NCOA1: variants seen among roughly 807,000 people sequenced by gnomAD.
NCOA1 encodes the protein nuclear receptor coactivator 1, also known as Hin-2 protein.
In NCOA1, 35 loss-of-function variants were observed where a neutral mutation model predicts 150.9. The observed-to-expected ratio is 0.23, with a 90% CI of 0.18 to 0.31. The LOEUF (loss-of-function observed/expected upper bound fraction) is 0.31, where lower values mean the gene tolerates loss of function less well. Ranked by LOEUF, NCOA1 falls within the 10% of genes least tolerant of loss-of-function variation. The pLI is 1.00. For missense variants in NCOA1, 1,491 were observed against 1,749.3 expected (o/e 0.85, Z 2.63); for synonymous variants, 590 against 630.0 (o/e 0.94, Z 0.95).
At chr2:24,741,502 T>C (rs752214464) in intron 18 of NCOA1, among the ~76,000 whole-genome samples, 1 of 152,242 alleles carries the variant, frequency 6.6e-6, no homozygotes, top group Non-Finnish European at 1.5e-5. Context: ...TTTTCAGTTC[T>C]GTGTGACTTT....
intron 20 of NCOA1, 74 bp from the exon 21 acceptor site, chr2:24,757,894 TATTTG>T: frequency 7.2e-7 from 1 of 1,387,378 alleles, no homozygotes; most frequent in East Asian, 2.4e-5. Context: ...TAACATATTT[TATTTG>T]GAAACAGAAT....
In NCOA1 at chr2:24,731,951, G is replaced by A. The variant is rs978803713; in HGVS notation, c.3201+2136G>A. On this transcript the variant is annotated intron_variant, in intron 17 of 22. Transcript: ENST00000348332. ...CATACCTGAAAAGTTAAGTGACGCTGCAAGCAGTATGTGATTAAGGGCTAA... is the reference window on the plus strand; with the variant it reads ...CATACCTGAAAAGTTAAGTGACGCTACAAGCAGTATGTGATTAAGGGCTAA... 2.0e-5 allele frequency among the ~76,000 whole-genome samples: 3 copies of A among 152,206 alleles called. No homozygotes were observed. The South Asian group carries it at 6.2e-4, about 31-fold the overall frequency.
chr2:24,528,041 GA>G (rs2148155749), intron 1 of NCOA1, among the ~76,000 whole-genome samples: 1 of 152,204 alleles, frequency 6.6e-6, no homozygotes, highest in South Asian at 2.1e-4. Context: ...TGAGTTGTAT[GA>G]GTTCTTTATA....
intron 1 of NCOA1, chr2:24,554,335 C>T (rs1200288145): frequency 1.3e-5 from 2 of 151,990 alleles, no homozygotes; most frequent in Admixed American, 6.6e-5. Context: ...TAGTAGTATC[C>T]CTGATTTTTT....
chr2:24,582,911 A>G (rs1423747397), intron 2 of NCOA1, among the ~76,000 whole-genome samples: 1 of 152,228 alleles, frequency 6.6e-6, no homozygotes, highest in Non-Finnish European at 1.5e-5. Context: ...GAAGAATGAA[A>G]CTAGACCCTC....
chr2:24,515,960 CT>C (rs970896434), intron 1 of NCOA1, among the ~76,000 whole-genome samples: 9 of 152,098 alleles, frequency 5.9e-5, no homozygotes, highest in African/African-American at 2.2e-4. Flanking sequence ...AGAAGTTATT[CT>C]TTTAGTTCTA....
At chr2:24,594,150 T>C (rs1667785794) in intron 3 of NCOA1, among the ~76,000 whole-genome samples, 1 of 152,142 alleles carries the variant, frequency 6.6e-6, no homozygotes, top group Non-Finnish European at 1.5e-5. Context: ...AAGTGGAACA[T>C]TGAAGAATCC....
chr2:24,695,615 G>A (rs1234579658), intron 10 of NCOA1, among the ~76,000 whole-genome samples: 1 of 152,100 alleles, frequency 6.6e-6, no homozygotes, highest in African/African-American at 2.4e-5. Context: ...TTAAGTTTTT[G>A]TAGTACTTTT....
chr2:24,627,889 A>G (rs1558852756), intron 3 of NCOA1, among the ~76,000 whole-genome samples: 2 of 152,252 alleles, frequency 1.3e-5, no homozygotes, highest in Non-Finnish European at 2.9e-5. Flanking sequence ...GAATGATGAT[A>G]CAAAAATGCT....
chr2:24,560,250 A>G (rs1312805489), intron 1 of NCOA1, among the ~76,000 whole-genome samples: 2 of 152,150 alleles, frequency 1.3e-5, no homozygotes, highest in African/African-American at 4.8e-5. Flanking sequence ...ATACTGTTGT[A>G]TAGTGGCCAC....
At chr2:24,580,122 C>T (rs1438039805) in intron 2 of NCOA1, among the ~76,000 whole-genome samples, 1 of 152,170 alleles carries the variant, frequency 6.6e-6, no homozygotes, top group East Asian at 1.9e-4. Context: ...ATTATTTTCT[C>T]TTATAGGTAA....
chr2:24,741,240 C>T (rs1219326021), intron 18 of NCOA1, among the ~76,000 whole-genome samples: 1 of 151,256 alleles, frequency 6.6e-6, no homozygotes, highest in Non-Finnish European at 1.5e-5. Context: ...TTAAAATCAC[C>T]TATAATCACA....
In NCOA1 at chr2:24,548,492, A is replaced by G. The variant is rs111751326; in HGVS notation, c.-395-15803A>G. On this transcript the variant is annotated intron_variant, in intron 1 of 22. Coordinates refer to ENST00000348332, the MANE Select transcript of NCOA1 (RefSeq NM_003743.5). ...CTTGCATCCTCACATTTCAAAACCA[A>G]TTATGCCTTCCCAACAGTCCCCCAA... 1.0e-3 allele frequency among the ~76,000 whole-genome samples: 152 copies of G among 152,282 alleles called. 1 individual carries two copies. Among genetic ancestry groups the G allele is most frequent in the African/African-American group, 3.4e-3 (140 of 41,556 alleles).
chr2:24,751,406 A>C (rs1664232903), intron 19 of NCOA1, among the ~76,000 whole-genome samples: 1 of 151,408 alleles, frequency 6.6e-6, no homozygotes, highest in Non-Finnish European at 1.5e-5. Flanking sequence ...AACATGGTGA[A>C]ACCCCGTCTC....
chr2:24,623,240 G>A (rs1387288041), intron 3 of NCOA1, among the ~76,000 whole-genome samples: 3 of 152,170 alleles, frequency 2.0e-5, no homozygotes, highest in Non-Finnish European at 4.4e-5. Context: ...GTTAGAGGTG[G>A]AAACTCAGAA....
intron 3 of NCOA1, among the ~76,000 whole-genome samples, chr2:24,593,585 G>A (rs189735457): frequency 5.1e-4 from 77 of 151,932 alleles, no homozygotes; most frequent in Non-Finnish European, 7.5e-4. Flanking sequence ...TCTGTTATTC[G>A]TATACTTACA....
At chr2:24,642,861 A>G (rs1670294442) in intron 3 of NCOA1, among the ~76,000 whole-genome samples, 1 of 152,242 alleles carries the variant, frequency 6.6e-6, no homozygotes, top group African/African-American at 2.4e-5. Flanking sequence ...GAAAAAAGCC[A>G]ACTTGAAAAG....
rs148441203 is a variant in NCOA1, at chr2:24,649,027, T to G, written c.-18+4905T>G. ...CTAGCTGTTTTTCTGCCCACTATTA[T>G]CTGAATCTCTGAAAGAGGTTAGTAA... On this transcript the variant is annotated intron_variant, in intron 4 of 22. Transcript: ENST00000348332. Among the ~76,000 whole-genome samples the G allele has an allele frequency of 1.9e-3, 291 of 152,230 alleles. 3 individuals carry two copies. The highest frequency in any genetic ancestry group is 6.9e-3 in the African/African-American group (286 of 41,580).
At chr2:24,616,403 G>A (rs1055489218) in intron 3 of NCOA1, among the ~76,000 whole-genome samples, 11 of 152,092 alleles carry the variant, frequency 7.2e-5, no homozygotes, top group African/African-American at 2.7e-4. Context: ...CAATAAAATA[G>A]CATATTAAAA....
Sources: allele counts gnomAD v4.1 joint callset (sites outside exome capture counted in the v4.1 genomes callset), GRCh38; gene constraint gnomAD v4.1.1; transcripts MANE v1.5; gene names NCBI Gene and HGNC (gene_info 2026-07-23, HGNC 2026-07-21).